Variants in SHISA9 observed in about 807,000 individuals in gnomAD.
The protein encoded by SHISA9 is shisa family member 9.
A neutral mutation model predicts 38.0 loss-of-function variants in SHISA9; 13 were observed. The ratio of observed to expected loss-of-function variants is 0.34; its 90% confidence interval spans 0.22 to 0.54. The LOEUF (loss-of-function observed/expected upper bound fraction) is 0.54, where lower values mean the gene tolerates loss of function less well. Ranked by LOEUF, SHISA9 falls within the 20% of genes least tolerant of loss-of-function variation. The probability of loss-of-function intolerance (pLI) is 0.91; values close to 1 mark genes in which losing one functional copy is unlikely to be tolerated. For synonymous variants in SHISA9, 275 were observed against 242.0 expected (o/e 1.14, Z -1.27); for missense variants, 538 against 575.8 (o/e 0.93, Z 0.67).
chr16:13,358,289 G>A, the SHISA9 span, among the ~76,000 whole-genome samples: 1 of 152,128 alleles, frequency 6.6e-6, no homozygotes, highest in South Asian at 2.1e-4. Context: ...TGACATCTGG[G>A]TTTTGAGTGA....
chr16:13,383,043 A>C, the SHISA9 span, among the ~76,000 whole-genome samples: 1 of 152,344 alleles, frequency 6.6e-6, no homozygotes, highest in Admixed American at 6.5e-5. Flanking sequence ...ATAAAGCAAT[A>C]AACAAAACTA....
intron 2 of SHISA9, among the ~76,000 whole-genome samples, chr16:13,107,970 G>A (rs993329184): frequency 6.6e-6 from 1 of 152,122 alleles, no homozygotes; most frequent in Non-Finnish European, 1.5e-5. Flanking sequence ...ATTTTTAAAG[G>A]GAGTGTTATG....
At chr16:12,999,951 T>G (rs906217662) in intron 2 of SHISA9, among the ~76,000 whole-genome samples, 1 of 152,224 alleles carries the variant, frequency 6.6e-6, no homozygotes, top group Non-Finnish European at 1.5e-5. Flanking sequence ...GCTATGTGCA[T>G]GGGAAAAAGA....
intron 2 of SHISA9, among the ~76,000 whole-genome samples, chr16:12,917,858 T>C (rs1287276202): frequency 6.6e-6 from 1 of 152,210 alleles, no homozygotes; most frequent in African/African-American, 2.4e-5. Flanking sequence ...CTGGGTGTTT[T>C]ATTTGCTGAA....
At chr16:13,483,707 A>C in the SHISA9 span, among the ~76,000 whole-genome samples, 1 of 151,946 alleles carries the variant, frequency 6.6e-6, no homozygotes, top group African/African-American at 2.4e-5. Context: ...TATCCTGGCG[A>C]AAGGAATGTT....
At chr16:13,549,333 GAA>G in the SHISA9 span, among the ~76,000 whole-genome samples, 6 of 152,054 alleles carry the variant, frequency 3.9e-5, no homozygotes, top group African/African-American at 1.2e-4. Context: ...TTTTATATAA[GAA>G]ATGATAAATG....
chr16:13,387,680 A>G, the SHISA9 span, among the ~76,000 whole-genome samples: 3 of 151,802 alleles, frequency 2.0e-5, no homozygotes, highest in Non-Finnish European at 4.4e-5. Context: ...AGTAGAGACA[A>G]TGTTTCACCA....
intron 2 of SHISA9, among the ~76,000 whole-genome samples, chr16:12,949,742 CATA>C (rs1287237790): frequency 3.9e-5 from 6 of 151,984 alleles, no homozygotes; most frequent in African/African-American, 7.3e-5. Context: ...TTAATTGAGG[CATA>C]ATAATTGTAC....
intron 4 of SHISA9, among the ~76,000 whole-genome samples, chr16:13,232,767 A>T (rs1337561334): frequency 6.6e-6 from 1 of 152,220 alleles, no homozygotes; most frequent in Non-Finnish European, 1.5e-5. Context: ...GAGTCTAAAG[A>T]CCTGGGATCA....
chr16:13,248,680 G>A, the SHISA9 span, among the ~76,000 whole-genome samples: 18 of 152,198 alleles, frequency 1.2e-4, no homozygotes, highest in African/African-American at 4.1e-4. Context: ...TTAATCGGAA[G>A]CATTTACTTA....
the SHISA9 span, among the ~76,000 whole-genome samples, chr16:13,415,552 A>G: frequency 6.6e-5 from 10 of 152,198 alleles, no homozygotes; most frequent in South Asian, 6.2e-4. Flanking sequence ...AAGTTTACCT[A>G]TATAACCAAC....
intron 2 of SHISA9, among the ~76,000 whole-genome samples, chr16:12,987,163 G>GCCCCATCTTTCATC (rs2072321970): frequency 6.6e-6 from 1 of 152,172 alleles, no homozygotes; most frequent in Non-Finnish European, 1.5e-5. Context: ...GGGCTAAAGA[G>GCCCCATCTTTCATC]CTGTTGTCTT....
intron 4 of SHISA9, among the ~76,000 whole-genome samples, chr16:13,231,942 T>C (rs1474689402): frequency 6.6e-6 from 1 of 152,226 alleles, no homozygotes; most frequent in East Asian, 1.9e-4. Context: ...AGCTTGACAG[T>C]TTCCTTATTT....
At chr16:13,540,730 G>A in the SHISA9 span, among the ~76,000 whole-genome samples, 1 of 152,160 alleles carries the variant, frequency 6.6e-6, no homozygotes, top group African/African-American at 2.4e-5. Flanking sequence ...CCCATAGTGA[G>A]CATTAAGTGA....
intron 2 of SHISA9, among the ~76,000 whole-genome samples, chr16:13,021,534 C>G (rs2072853976): frequency 6.6e-6 from 1 of 152,178 alleles, no homozygotes; most frequent in Non-Finnish European, 1.5e-5. Context: ...AAACGTGGCT[C>G]AACCCATGTA....
chr16:12,984,462 G>A (rs1596564876), intron 2 of SHISA9, among the ~76,000 whole-genome samples: 1 of 152,264 alleles, frequency 6.6e-6, no homozygotes, highest in East Asian at 1.9e-4. Flanking sequence ...ATATCCAGGG[G>A]CAAGTTACTC....
chr16:13,083,474 T>A (rs771502382), intron 2 of SHISA9, among the ~76,000 whole-genome samples: 2 of 152,158 alleles, frequency 1.3e-5, no homozygotes, highest in African/African-American at 2.4e-5. Flanking sequence ...AGGGACACTT[T>A]CCAGAGAAGG....
chr16:13,047,724 T>C (rs1175302404), intron 2 of SHISA9, among the ~76,000 whole-genome samples: 1 of 152,186 alleles, frequency 6.6e-6, no homozygotes, highest in East Asian at 1.9e-4. Flanking sequence ...CAAGATTCTT[T>C]GCATCTTTTA....
chr16:13,382,751 G>A, the SHISA9 span, among the ~76,000 whole-genome samples: 17 of 151,732 alleles, frequency 1.1e-4, no homozygotes, highest in African/African-American at 4.1e-4. Context: ...CCAGCTACTC[G>A]GGAGGCTGAG....
Sources: gnomAD v4.1 joint callset for allele counts (sites outside exome capture counted in the v4.1 genomes callset) on GRCh38, gnomAD v4.1.1 for gene constraint, MANE v1.5 for transcripts, NCBI Gene and HGNC (gene_info 2026-07-23, HGNC 2026-07-21) for gene names.